The following CDH12 variants were observed in gnomAD, a reference collection of about 807,000 sequenced individuals.
CDH12 encodes the protein cadherin-12.
Under a neutral mutation model 74.1 loss-of-function variants are expected in CDH12, and 41 were observed. The ratio of observed to expected loss-of-function variants is 0.55; its 90% CI spans 0.43 to 0.72. The LOEUF is 0.72. Ranked by LOEUF, CDH12 falls within the 30% of genes least tolerant of loss-of-function variation. CDH12 has a pLI of 0.00. For synonymous variants in CDH12, 399 were observed against 355.0 expected, an observed-to-expected ratio of 1.12 and a Z score of -1.39; for missense variants, 945 against 977.2, an observed-to-expected ratio of 0.97 and a Z score of 0.44.
intron 5 of CDH12, among the ~76,000 whole-genome samples, chr5:22,044,860 G>A (rs1231508550): frequency 6.6e-6 from 1 of 152,102 alleles, no homozygotes; most frequent in Non-Finnish European, 1.5e-5. Context: ...GAAAACAGGG[G>A]AAATGCTACA....
intron 5 of CDH12, among the ~76,000 whole-genome samples, chr5:21,983,440 T>C (rs1757393795): frequency 6.6e-6 from 1 of 152,128 alleles, no homozygotes; most frequent in Admixed American, 6.5e-5. Context: ...TTTATAGTCT[T>C]ATTTTTATGA....
intron 1 of CDH12, among the ~76,000 whole-genome samples, chr5:22,820,808 A>T (rs2126474274): frequency 6.6e-6 from 1 of 152,326 alleles, no homozygotes; most frequent in East Asian, 1.9e-4. Context: ...CAGAGGTACA[A>T]GGAGGAACCG....
At chr5:21,957,752 A>AT (rs1756166608) in intron 6 of CDH12, among the ~76,000 whole-genome samples, 2 of 151,984 alleles carry the variant, frequency 1.3e-5, no homozygotes, top group Admixed American at 1.3e-4. Context: ...CTTTGCCCAC[A>AT]TTTTAATGGG....
At chr5:22,695,883 T>A (rs1580896355) in intron 1 of CDH12, among the ~76,000 whole-genome samples, 1 of 152,210 alleles carries the variant, frequency 6.6e-6, no homozygotes, top group East Asian at 1.9e-4. Flanking sequence ...TTTTTTCAAG[T>A]CTGAAATTAT....
At chr5:21,865,045 C>CA (rs1455319381) in intron 6 of CDH12, among the ~76,000 whole-genome samples, 1 of 151,724 alleles carries the variant, frequency 6.6e-6, no homozygotes, top group South Asian at 2.1e-4. Context: ...TGATGCATGA[C>CA]AAAAAAAGAG....
Position 21,751,933 on chromosome 5 carries a change from G to C in CDH12, c.2189C>G (p.Ala730Gly). ...RLQENDVDPT[A>G]PPYDSLATYA... ...TGTGGCCAGTGAATCGTATGGTGGG[G>C]CAGTTGGATCCACATCATTTTCCTG... The change falls in exon 15 of 15, where the codon GCC (alanine) becomes GGC (glycine). Residue 730 changes from alanine (A) to glycine (G), a missense_variant. Coordinates refer to ENST00000382254, the MANE Select transcript of CDH12 (RefSeq NM_004061.5). 2 of 1,613,946 alleles carry C rather than the reference G, an allele frequency of 1.2e-6. No individual in the cohort carries two copies. Among genetic ancestry groups the C allele is most frequent in the Non-Finnish European group, 1.7e-6 (2 of 1,179,936 alleles).
intron 1 of CDH12, among the ~76,000 whole-genome samples, chr5:22,571,413 G>A (rs1411395723): frequency 9.2e-5 from 14 of 151,716 alleles, no homozygotes; most frequent in Admixed American, 7.9e-4. Context: ...TGCAACCTCC[G>A]CCTCCTGAGT....
At chr5:21,795,192 C>T (rs1377650900) in intron 10 of CDH12, among the ~76,000 whole-genome samples, 5 of 134,618 alleles carry the variant, frequency 3.7e-5, no homozygotes, top group Admixed American at 8.0e-5. Flanking sequence ...GGATCATAAT[C>T]CATACAAAAA....
intron 1 of CDH12, among the ~76,000 whole-genome samples, chr5:22,558,243 G>T (rs1262045904): frequency 6.6e-6 from 1 of 151,974 alleles, no homozygotes; most frequent in Non-Finnish European, 1.5e-5. Flanking sequence ...AAGGAAAGTT[G>T]GAAATGGTAC....
intron 5 of CDH12, among the ~76,000 whole-genome samples, chr5:22,044,514 G>A (rs1015049492): frequency 2.6e-5 from 4 of 152,112 alleles, no homozygotes; most frequent in African/African-American, 9.7e-5. Context: ...AGAATAGCAT[G>A]GAGGAAACCA....
chr5:21,836,462 A>AACACACACACACAC lies in CDH12; in HGVS notation c.814+5685_814+5698dup, dbSNP rs60658949. On this transcript the variant is annotated intron_variant, in intron 8 of 14. Transcript: ENST00000382254. ...ATTATTATATTGAAATAGAAAGGAA[A>AACACACACACACAC]ACACACACACACACACACACACACA... Among the ~76,000 whole-genome samples, 254 of 143,520 alleles carry AACACACACACACAC rather than the reference A, an allele frequency of 1.8e-3. 1 individual carries two copies. Among genetic ancestry groups the AACACACACACACAC allele is most frequent in the East Asian group, 3.9e-3 (19 of 4,928 alleles). The allele number at this position is 143,520 out of a possible 152,430, so 94.2% of individuals were successfully genotyped here.
intron 13 of CDH12, among the ~76,000 whole-genome samples, chr5:21,759,578 G>T (rs1036342382): frequency 2.0e-5 from 3 of 151,922 alleles, no homozygotes; most frequent in African/African-American, 7.3e-5. Flanking sequence ...TAGTAAAATT[G>T]TATACATTAA....
At chr5:22,557,129 C>T (rs1738834361) in intron 1 of CDH12, among the ~76,000 whole-genome samples, 1 of 152,056 alleles carries the variant, frequency 6.6e-6, no homozygotes, top group Admixed American at 6.6e-5. Context: ...GCTTTTTAAA[C>T]TTGCCCACTA....
chr5:21,903,168 C>T (rs916161588), intron 6 of CDH12, among the ~76,000 whole-genome samples: 25 of 152,020 alleles, frequency 1.6e-4, no homozygotes, highest in African/African-American at 4.1e-4. Flanking sequence ...GAAACAATAA[C>T]GACAACATTT....
chr5:22,343,001 C>T (rs1739942311), intron 3 of CDH12, among the ~76,000 whole-genome samples: 1 of 151,652 alleles, frequency 6.6e-6, no homozygotes, highest in African/African-American at 2.4e-5. Flanking sequence ...ATTACAGGAG[C>T]CAACCATCAT....
intron 5 of CDH12, among the ~76,000 whole-genome samples, chr5:22,014,612 A>G (rs1737492752): frequency 6.6e-6 from 1 of 152,114 alleles, no homozygotes; most frequent in Non-Finnish European, 1.5e-5. Flanking sequence ...ATATGGACAA[A>G]TCAGTGTTAA....
At chr5:22,267,608 T>C (rs992085210) in intron 3 of CDH12, among the ~76,000 whole-genome samples, 4 of 152,180 alleles carry the variant, frequency 2.6e-5, no homozygotes, top group Admixed American at 6.6e-5. Flanking sequence ...CAAGTTACAA[T>C]GTATTTGTAT....
intron 3 of CDH12, among the ~76,000 whole-genome samples, chr5:22,321,718 A>G (rs1182555863): frequency 6.6e-6 from 1 of 152,144 alleles, no homozygotes; most frequent in Non-Finnish European, 1.5e-5. Flanking sequence ...CTTTTTTTAG[A>G]CTATAGATGG....
intron 1 of CDH12, among the ~76,000 whole-genome samples, chr5:22,641,309 C>T (rs1469526391): frequency 6.6e-6 from 1 of 152,052 alleles, no homozygotes; most frequent in African/African-American, 2.4e-5. Context: ...TAGTGCAAAC[C>T]CTAAAGTCTT....
Sources: gnomAD v4.1 joint callset for allele counts (sites outside exome capture counted in the v4.1 genomes callset) on GRCh38, gnomAD v4.1.1 for gene constraint, MANE v1.5 for transcripts, NCBI Gene and HGNC (gene_info 2026-07-23, HGNC 2026-07-21) for gene names.